Variants in LRRC49 observed in about 807,000 individuals in gnomAD.
LRRC49 encodes leucine-rich repeat-containing protein 49.
A neutral mutation model predicts 83.3 loss-of-function variants in LRRC49; 50 were observed. The observed-to-expected ratio is 0.60, with a 90% CI of 0.48 to 0.76. LRRC49 has a LOEUF of 0.76. Ranked by LOEUF, LRRC49 falls within the 30% of genes least tolerant of loss-of-function variation. LRRC49 has a pLI of 0.00. For synonymous variants in LRRC49, 286 were observed against 283.3 expected, an observed-to-expected ratio of 1.01 and a Z score of -0.10; for missense variants, 704 against 809.1, an observed-to-expected ratio of 0.87 and a Z score of 1.58.
chr15:70,854,182 G>GC, intron 1 of LRRC49: 1 of 938,414 alleles, frequency 1.1e-6, no homozygotes, highest in Non-Finnish European at 1.4e-6. Context: ...GGGGCGGTGC[G>GC]AGCGCGCCTG....
intron 4 of LRRC49, among the ~76,000 whole-genome samples, chr15:70,904,310 T>C (rs943886519): frequency 2.0e-5 from 3 of 152,198 alleles, no homozygotes; most frequent in Admixed American, 6.5e-5. Flanking sequence ...TATTCGAGTT[T>C]TTTAAATACA....
At chr15:70,925,884 C>T (rs2035178019) in intron 7 of LRRC49, among the ~76,000 whole-genome samples, 1 of 152,102 alleles carries the variant, frequency 6.6e-6, no homozygotes, top group Non-Finnish European at 1.5e-5. Context: ...TCTATTTAAT[C>T]TGAGTAATTT....
intron 10 of LRRC49, among the ~76,000 whole-genome samples, 180 bp from the exon 11 acceptor site, chr15:70,983,914 A>G (rs2037495752): frequency 6.6e-6 from 1 of 152,018 alleles, no homozygotes; most frequent in South Asian, 2.1e-4. Context: ...AGATTTTTGG[A>G]TGCAGAGAGT....
Position 71,010,016 on chromosome 15 carries a change from A to G in LRRC49, c.1593+24A>G, listed in dbSNP as rs143402397. On this transcript the variant is annotated intron_variant, in intron 13 of 15. Coordinates refer to ENST00000260382, the MANE Select transcript of LRRC49 (RefSeq NM_017691.5). ...AGGTAAGCTAAAAACTAGATGAACTATAGAATAAAAATATTCCTTCTTAGT... is the reference window on the plus strand; with the variant it reads ...AGGTAAGCTAAAAACTAGATGAACTGTAGAATAAAAATATTCCTTCTTAGT... 24 of 1,409,486 alleles carry G rather than the reference A, an allele frequency of 1.7e-5. No homozygotes were observed. In the East Asian group the frequency reaches 5.1e-4, roughly 30 times the overall value. The allele number at this position is 1,409,486 out of a possible 1,614,324, so 87.3% of individuals were successfully genotyped here. A position where few individuals can be genotyped will look rare whatever the true frequency, so the allele number is the denominator to read the frequency against.
chr15:70,859,554 T>C (rs1301179337), intron 1 of LRRC49: 11 of 668,496 alleles, frequency 1.6e-5, no homozygotes, highest in Non-Finnish European at 2.8e-5. Context: ...GCTGAGAGCA[T>C]GCACCAGATC....
rs1453659915 is a variant in LRRC49 at position 70,907,800 on chromosome 15, G to T, written c.500+3045G>T. On this transcript the variant is annotated intron_variant, in intron 5 of 15. Coordinates refer to ENST00000260382, the MANE Select transcript of LRRC49 (RefSeq NM_017691.5). ...TGAGCCTCATCTTTTTCTAGTTTCA[G>T]TTTCTATTCAATGGAAGAACTTCTT... 14 of 365,182 alleles carry T rather than the reference G, an allele frequency of 3.8e-5. 1 individual carries two copies. In the Admixed American group the frequency reaches 4.7e-4, roughly 12 times the overall value. The allele number at this position is 365,182 out of a possible 1,614,324, so 22.6% of individuals were successfully genotyped here. A position where few individuals can be genotyped will look rare whatever the true frequency, so the allele number is the denominator to read the frequency against.
intron 11 of LRRC49, among the ~76,000 whole-genome samples, chr15:71,007,880 G>A (rs2038515648): frequency 6.6e-6 from 1 of 151,258 alleles, no homozygotes; most frequent in African/African-American, 2.4e-5. Flanking sequence ...GTATCCAAAA[G>A]TAGAAAGTTA....
At chr15:71,025,065 C>T (rs1015753425) in intron 14 of LRRC49, among the ~76,000 whole-genome samples, 4 of 152,174 alleles carry the variant, frequency 2.6e-5, no homozygotes, top group Non-Finnish European at 5.9e-5. Flanking sequence ...ACAAAACCTA[C>T]AGCTGACTGG....
chr15:70,889,331 C>A (rs544995577), upstream of LRRC49, among the ~76,000 whole-genome samples: 1 of 151,922 alleles, frequency 6.6e-6, no homozygotes, highest in Admixed American at 6.5e-5. Context: ...CAGAAAATGG[C>A]TACAGTATGA....
intron 7 of LRRC49, among the ~76,000 whole-genome samples, chr15:70,924,015 C>T (rs1258400539): frequency 6.6e-6 from 1 of 151,784 alleles, no homozygotes; most frequent in African/African-American, 2.4e-5. Context: ...CCATTTGTCC[C>T]AATAATGTTC....
chr15:70,898,508 C>T, intron 3 of LRRC49: 1 of 674,654 alleles, frequency 1.5e-6, no homozygotes, highest in East Asian at 2.7e-5. Context: ...GTTGCTATGG[C>T]TCATGCCTGT....
chr15:70,904,653 T>A lies in LRRC49; in HGVS notation c.398T>A (p.Leu133Gln). The A allele has an allele frequency of 6.2e-7, 1 of 1,612,858 alleles. No homozygotes were observed. The highest frequency in any genetic ancestry group is 8.5e-7 in the Non-Finnish European group (1 of 1,178,868). ...FITRIQNISN[L>Q]QKLISLDLYD... ...ACTCGGATACAAAATATTTCTAATC[T>A]ACAGAAGTTAATATCGTTGGATTTA... Residue 133 changes from leucine to glutamine, a missense_variant, in exon 5 of 16, where the codon CTA (leucine) becomes CAA (glutamine). Around this residue, in one of 3 missense-constraint regions of LRRC49, gnomAD observed 261 missense variants for 330.5 expected, o/e 0.79. Transcript: ENST00000260382.
chr15:71,009,113 TTC>T (rs1244242701), intron 12 of LRRC49, among the ~76,000 whole-genome samples: 1 of 151,908 alleles, frequency 6.6e-6, no homozygotes, highest in Non-Finnish European at 1.5e-5. Context: ...CTGTAATGAG[TTC>T]TCTCTTGAGT....
At chr15:70,971,899 T>C (rs2037018489) in intron 9 of LRRC49, among the ~76,000 whole-genome samples, 1 of 151,406 alleles carries the variant, frequency 6.6e-6, no homozygotes, top group Middle Eastern at 3.2e-3. Context: ...ATGGGTCTGC[T>C]GAATACAGCA....
Position 70,865,553 on chromosome 15 carries a change from T to C in LRRC49, c.-298-7355T>C, listed in dbSNP as rs1483578743. ...AGTCACACATTGCATTTGATGTTTATGTCCTTCTAATTTATTTACATCGAG... is the reference window on the plus strand; with the variant it reads ...AGTCACACATTGCATTTGATGTTTACGTCCTTCTAATTTATTTACATCGAG... On this transcript the variant is annotated intron_variant, in intron 1 of 16. Coordinates refer to the LRRC49 transcript ENST00000544974. 3.3e-5 allele frequency among the ~76,000 whole-genome samples: 5 copies of C among 152,378 alleles called. No individual in the cohort carries two copies. The East Asian group carries it at 9.6e-4, about 29-fold the overall frequency.
intron 14 of LRRC49, among the ~76,000 whole-genome samples, chr15:71,025,245 A>T (rs527304286): frequency 2.0e-5 from 3 of 152,314 alleles, no homozygotes; most frequent in Admixed American, 1.3e-4. Context: ...ACACACAATT[A>T]TCAGATTCTC....
intron 6 of LRRC49, among the ~76,000 whole-genome samples, chr15:70,916,313 G>T (rs62019095): frequency 0.085 from 12,976 of 151,956 alleles, 607 homozygotes; most frequent in African/African-American, 0.11. Context: ...TATTATTTTT[G>T]AGGTGGAGTT....
At chr15:70,949,456 A>T (rs928098570) in intron 8 of LRRC49, among the ~76,000 whole-genome samples, 2 of 152,186 alleles carry the variant, frequency 1.3e-5, no homozygotes, top group Non-Finnish European at 2.9e-5. Context: ...ACATACAGTT[A>T]TCTATGGCAC....
intron 14 of LRRC49, among the ~76,000 whole-genome samples, chr15:71,013,556 G>A (rs1481261032): frequency 1.3e-5 from 2 of 152,170 alleles, no homozygotes; most frequent in Admixed American, 6.5e-5. Flanking sequence ...TGTAGGCCAG[G>A]AGAGATTATG....
Sources: gnomAD v4.1 joint callset for allele counts (sites outside exome capture counted in the v4.1 genomes callset) on GRCh38, gnomAD v4.1.1 for gene constraint, gnomAD v4.1.1 regional missense constraint, MANE v1.5 for transcripts, NCBI Gene and HGNC (gene_info 2026-07-23, HGNC 2026-07-21) for gene names.